DPP6: variants seen among roughly 807,000 people sequenced by gnomAD.
The protein encoded by DPP6 is dipeptidyl peptidase like 6, also known as A-type potassium channel modulatory protein DPP6.
Under a neutral mutation model 122.6 loss-of-function variants are expected in DPP6, and 69 were observed. The ratio of observed to expected loss-of-function variants is 0.56; its 90% CI spans 0.46 to 0.69. DPP6 has a LOEUF of 0.69. Ranked by LOEUF, DPP6 falls within the 30% of genes least tolerant of loss-of-function variation. The probability of loss-of-function intolerance (pLI) is 0.00; values close to 1 mark genes in which losing one functional copy is unlikely to be tolerated. For missense variants in DPP6, 928 were observed against 1,116.9 expected, an observed-to-expected ratio of 0.83 and a Z score of 2.41; for synonymous variants, 418 against 433.1, an observed-to-expected ratio of 0.97 and a Z score of 0.43.
chr7:154,117,408 C>T (rs1807070791), intron 1 of DPP6, among the ~76,000 whole-genome samples: 3 of 152,114 alleles, frequency 2.0e-5, no homozygotes, highest in African/African-American at 4.8e-5. Flanking sequence ...GTGCTCAGTA[C>T]CTTGGTGTCT....
chr7:154,071,397 C>T (rs763291102), intron 1 of DPP6, among the ~76,000 whole-genome samples: 4 of 152,188 alleles, frequency 2.6e-5, no homozygotes, highest in African/African-American at 7.2e-5. Flanking sequence ...GAGTTCGAAG[C>T]GGGGTGAGAA....
At chr7:154,887,500 C>A (rs565482008) in intron 22 of DPP6, among the ~76,000 whole-genome samples, 176 bp from the exon 23 acceptor site, 1 of 152,300 alleles carries the variant, frequency 6.6e-6, no homozygotes, top group African/African-American at 2.4e-5. Flanking sequence ...CTTGTAAAGA[C>A]CCAAATGATT....
intron 1 of DPP6, among the ~76,000 whole-genome samples, chr7:153,892,571 C>T (rs1448884090): frequency 7.2e-5 from 11 of 152,164 alleles, no homozygotes; most frequent in Non-Finnish European, 1.5e-4. Context: ...GTCTCGGCCC[C>T]CCAAAGTGCT....
chr7:153,967,523 G>A (rs568763565), intron 1 of DPP6, among the ~76,000 whole-genome samples: 9 of 152,150 alleles, frequency 5.9e-5, no homozygotes, highest in Admixed American at 5.9e-4. Flanking sequence ...GAGTTGGTCC[G>A]TTGTCACATT....
intron 1 of DPP6, among the ~76,000 whole-genome samples, chr7:154,141,807 G>A (rs1795861199): frequency 6.6e-6 from 1 of 152,154 alleles, no homozygotes; most frequent in Admixed American, 6.5e-5. Context: ...TGGCAATCTT[G>A]GTCAGTACAG....
intron 1 of DPP6, among the ~76,000 whole-genome samples, chr7:154,398,488 T>C (rs1563604149): frequency 6.6e-6 from 1 of 152,308 alleles, no homozygotes; most frequent in Middle Eastern, 3.4e-3. Context: ...CTGAACACCC[T>C]TGTATTTGGG....
intron 12 of DPP6, among the ~76,000 whole-genome samples, chr7:154,800,947 C>T (rs1215807379): frequency 6.6e-6 from 1 of 152,024 alleles, no homozygotes; most frequent in Non-Finnish European, 1.5e-5. Flanking sequence ...TAATAAATGC[C>T]ACTGGAGAAA....
At chr7:154,868,226 C>T (rs1804064190) in intron 18 of DPP6, 133 bp downstream of exon 18, 2 of 1,232,574 alleles carry the variant, frequency 1.6e-6, no homozygotes, top group Non-Finnish European at 2.2e-6. Flanking sequence ...TGCCCCTCAG[C>T]TCCTCTGGCA....
At chr7:153,781,637 G>T in the DPP6 span, among the ~76,000 whole-genome samples, 6 of 152,062 alleles carry the variant, frequency 3.9e-5, no homozygotes, top group African/African-American at 1.4e-4. Context: ...CCCTTATTCT[G>T]CTGTCCTCAT....
chr7:154,667,720 T>TCAAAA (rs961586037), intron 6 of DPP6, among the ~76,000 whole-genome samples: 10 of 152,232 alleles, frequency 6.6e-5, no homozygotes, highest in South Asian at 2.1e-4. Context: ...AGACTCCTTC[T>TCAAAA]CAAAACAAAA....
upstream of DPP6, among the ~76,000 whole-genome samples, chr7:153,884,122 T>G (rs1264931226): frequency 1.3e-5 from 2 of 152,160 alleles, no homozygotes; most frequent in Non-Finnish European, 2.9e-5. Context: ...TAACTCGTCA[T>G]TTACATTAGG....
intron 1 of DPP6, among the ~76,000 whole-genome samples, chr7:153,984,102 ACG>A (rs1554426592): frequency 1.4e-5 from 2 of 142,112 alleles, no homozygotes; most frequent in Non-Finnish European, 3.1e-5. Flanking sequence ...ACACACACAC[ACG>A]TGTCACAAGT....
chr7:153,865,234 A>G, the DPP6 span, among the ~76,000 whole-genome samples: 1 of 152,216 alleles, frequency 6.6e-6, no homozygotes, highest in Non-Finnish European at 1.5e-5. Flanking sequence ...CAATAGCAGT[A>G]TTTTCTGGCA....
At chr7:154,340,380 A>T (rs1809819179) in intron 1 of DPP6, among the ~76,000 whole-genome samples, 1 of 152,216 alleles carries the variant, frequency 6.6e-6, no homozygotes, top group East Asian at 1.9e-4. Flanking sequence ...TCAGCCTCAC[A>T]GGTGTCCATT....
intron 7 of DPP6, among the ~76,000 whole-genome samples, chr7:154,714,976 A>T (rs561537384): frequency 1.2e-4 from 18 of 152,230 alleles, no homozygotes; most frequent in Non-Finnish European, 2.4e-4. Context: ...TTGAATCCCA[A>T]GCAGAGGCCC....
At chr7:154,017,176 T>C (rs1194074585) in intron 1 of DPP6, among the ~76,000 whole-genome samples, 1 of 152,188 alleles carries the variant, frequency 6.6e-6, no homozygotes, top group Non-Finnish European at 1.5e-5. Context: ...CAAGTGTTCC[T>C]CTTGCCTCAG....
At chr7:153,898,375 C>T (rs974998533) in intron 1 of DPP6, among the ~76,000 whole-genome samples, 2 of 152,076 alleles carry the variant, frequency 1.3e-5, no homozygotes, top group East Asian at 3.9e-4. Flanking sequence ...TTGCTTGAGG[C>T]CAGGAGTTCA....
intron 1 of DPP6, among the ~76,000 whole-genome samples, chr7:153,903,063 G>A (rs1185476365): frequency 6.6e-6 from 1 of 152,214 alleles, no homozygotes; most frequent in Non-Finnish European, 1.5e-5. Context: ...TGCAGATGCT[G>A]AGTGCTCGAG....
chr7:153,934,877 T>A (rs767988313), intron 1 of DPP6, among the ~76,000 whole-genome samples: 1 of 152,132 alleles, frequency 6.6e-6, no homozygotes, highest in Non-Finnish European at 1.5e-5. Flanking sequence ...GGTCTGCAGG[T>A]CACATGAGCC....
Sources: allele counts gnomAD v4.1 joint callset (sites outside exome capture counted in the v4.1 genomes callset), GRCh38; gene constraint gnomAD v4.1.1; transcripts MANE v1.5; gene names NCBI Gene and HGNC (gene_info 2026-07-23, HGNC 2026-07-21).